Variants in SORCS3 observed in about 807,000 individuals in gnomAD.
SORCS3 encodes the protein VPS10 domain-containing receptor SorCS3.
SORCS3 carries 57 observed loss-of-function variants against 146.3 expected under a neutral mutation model. The observed-to-expected ratio is 0.39, with a 90% confidence interval of 0.31 to 0.49. The LOEUF (loss-of-function observed/expected upper bound fraction) is 0.49, where lower values mean the gene tolerates loss of function less well. Ranked by LOEUF, SORCS3 falls within the 20% of genes least tolerant of loss-of-function variation. The probability of loss-of-function intolerance (pLI) is 0.92; values close to 1 mark genes in which losing one functional copy is unlikely to be tolerated. For missense variants in SORCS3, 1,341 were observed against 1,575.5 expected (o/e 0.85, Z 2.52); for synonymous variants, 653 against 618.5 (o/e 1.06, Z -0.83).
At chr10:104,855,086 T>C (rs1279574204) in intron 2 of SORCS3, among the ~76,000 whole-genome samples, 1 of 152,210 alleles carries the variant, frequency 6.6e-6, no homozygotes, top group Non-Finnish European at 1.5e-5. Flanking sequence ...TGAGTGCAGT[T>C]TATCCTACCC....
chr10:105,221,246 A>C (rs923268679), intron 19 of SORCS3, among the ~76,000 whole-genome samples: 8 of 152,104 alleles, frequency 5.3e-5, no homozygotes, highest in African/African-American at 1.9e-4. Flanking sequence ...TTGTCTCCCC[A>C]CCCAAATAGC....
Position 105,265,239 on chromosome 10 carries a change from G to C in SORCS3, c.*1865G>C, listed in dbSNP as rs2056984971. 6.6e-6 allele frequency: 1 copy of C among 152,454 alleles called. No individual in the cohort carries two copies. Among genetic ancestry groups the C allele is most frequent in the South Asian group, 2.1e-4 (1 of 4,832 alleles). 9.4% of individuals were successfully genotyped at this position (152,454 alleles called of 1,614,324 possible). ...AATAAATGTATTTTTGTACATCAAA[G>C]CTACATACGTGGCTGAGTTTTCTCT... On this transcript the variant is annotated 3_prime_UTR_variant, in exon 27 of 27. Coordinates refer to ENST00000369701, the MANE Select transcript of SORCS3 (RefSeq NM_014978.3).
chr10:104,844,177 G>A (rs760958367), intron 2 of SORCS3, among the ~76,000 whole-genome samples: 24 of 152,182 alleles, frequency 1.6e-4, no homozygotes, highest in Admixed American at 1.2e-3. Flanking sequence ...ATTGGCAGAG[G>A]TATAAGTAAC....
At chr10:105,240,941 G>GA (rs57736056) in intron 20 of SORCS3, among the ~76,000 whole-genome samples, 128,971 of 147,886 alleles carry the variant, frequency 0.87, 55,848 homozygotes, top group East Asian at 0.93. Context: ...CACAAACACT[G>GA]AAAAAAATAT....
Position 104,724,888 on chromosome 10 carries a change from TCA to T in SORCS3, c.627+82935_627+82936del, listed in dbSNP as rs1564668443. Among the ~76,000 whole-genome samples, 24 of 152,230 alleles carry T rather than the reference TCA, an allele frequency of 1.6e-4. No homozygotes were observed. The East Asian group carries it at 4.6e-3, about 29-fold the overall frequency. ...AGTTAGCCATTCGTCTAATTTTTTT[TCA>T]AGGTATTTAACTTCTTTGCCATGAG... On this transcript the variant is annotated intron_variant, in intron 1 of 26. Coordinates refer to ENST00000369701, the MANE Select transcript of SORCS3 (RefSeq NM_014978.3).
At chr10:105,023,887 G>A (rs149473758) in intron 4 of SORCS3, among the ~76,000 whole-genome samples, 14 of 152,174 alleles carry the variant, frequency 9.2e-5, no homozygotes, top group Admixed American at 9.2e-4. Context: ...GGATAGGATG[G>A]TGGGGAGACA....
chr10:105,191,808 G>A (rs1239685674), intron 14 of SORCS3, among the ~76,000 whole-genome samples: 1 of 152,162 alleles, frequency 6.6e-6, no homozygotes, highest in African/African-American at 2.4e-5. Context: ...CAATACCACA[G>A]CTGACCTGAC....
chr10:105,118,839 G>A (rs1390535043), intron 7 of SORCS3, among the ~76,000 whole-genome samples: 1 of 152,218 alleles, frequency 6.6e-6, no homozygotes, highest in Middle Eastern at 3.4e-3. Flanking sequence ...ACTTCTAAGA[G>A]GCAAAACGTT....
intron 4 of SORCS3, among the ~76,000 whole-genome samples, chr10:105,035,353 T>G (rs1470249141): frequency 6.6e-6 from 1 of 152,210 alleles, no homozygotes; most frequent in Non-Finnish European, 1.5e-5. Context: ...TTCGTTTGGC[T>G]TTTGGAGATG....
chr10:105,067,011 A>G (rs763047895), intron 5 of SORCS3, among the ~76,000 whole-genome samples: 3 of 152,156 alleles, frequency 2.0e-5, no homozygotes, highest in African/African-American at 4.8e-5. Flanking sequence ...TTCCAGGTAC[A>G]CTTTTAATCT....
chr10:105,192,467 A>G (rs890940666), intron 14 of SORCS3, among the ~76,000 whole-genome samples: 1 of 152,144 alleles, frequency 6.6e-6, no homozygotes, highest in Non-Finnish European at 1.5e-5. Context: ...AGGGGCTGGC[A>G]GAGTCGGCTT....
intron 5 of SORCS3, among the ~76,000 whole-genome samples, chr10:105,065,339 T>G (rs562679866): frequency 6.6e-6 from 1 of 152,230 alleles, no homozygotes; most frequent in African/African-American, 2.4e-5. Flanking sequence ...CACAGATAAG[T>G]ATATCTATTG....
chr10:105,258,775 T>A (rs2056944809), intron 25 of SORCS3, among the ~76,000 whole-genome samples: 1 of 152,158 alleles, frequency 6.6e-6, no homozygotes, highest in Non-Finnish European at 1.5e-5. Context: ...CCTTTGTAGT[T>A]CCCAGGTATC....
chr10:104,722,827 C>A (rs1435417311), intron 1 of SORCS3, among the ~76,000 whole-genome samples: 1 of 151,828 alleles, frequency 6.6e-6, no homozygotes, highest in Non-Finnish European at 1.5e-5. Flanking sequence ...TGGTGATATC[C>A]CCTTTATCAT....
chr10:105,016,155 A>ATATAT (rs71482443), intron 4 of SORCS3, among the ~76,000 whole-genome samples: 4,009 of 101,194 alleles, frequency 0.04, 165 homozygotes, highest in Non-Finnish European at 0.054. Context: ...ATATATATAT[A>ATATAT]TTTTTTTTTT....
intron 4 of SORCS3, among the ~76,000 whole-genome samples, chr10:105,029,487 A>C (rs577677147): frequency 1.3e-5 from 2 of 152,336 alleles, no homozygotes; most frequent in Non-Finnish European, 2.9e-5. Context: ...CTTTCAGGAA[A>C]TACAGTCCAG....
At chr10:105,058,419 G>A (rs1005814929) in intron 5 of SORCS3, among the ~76,000 whole-genome samples, 1 of 152,206 alleles carries the variant, frequency 6.6e-6, no homozygotes, top group Non-Finnish European at 1.5e-5. Flanking sequence ...GGATGTGACA[G>A]TGAAATAGAA....
chr10:104,661,531 A>G (rs987143304), intron 1 of SORCS3, among the ~76,000 whole-genome samples: 1 of 152,176 alleles, frequency 6.6e-6, no homozygotes, highest in Admixed American at 6.5e-5. Context: ...CAGTCTTGAC[A>G]TTGTGACTTA....
chr10:105,025,248 G>A (rs1010130640), intron 4 of SORCS3, among the ~76,000 whole-genome samples: 1 of 152,122 alleles, frequency 6.6e-6, no homozygotes, highest in Non-Finnish European at 1.5e-5. Context: ...CCCTGAGAGT[G>A]GCCCTTTACA....
Sources: allele counts gnomAD v4.1 joint callset (sites outside exome capture counted in the v4.1 genomes callset), GRCh38; gene constraint gnomAD v4.1.1; transcripts MANE v1.5; gene names NCBI Gene and HGNC (gene_info 2026-07-23, HGNC 2026-07-21).